Variants in CAPG observed in about 807,000 individuals in gnomAD.
CAPG encodes the protein capping actin protein, gelsolin like.
In CAPG, 32 loss-of-function variants were observed where a neutral mutation model predicts 44.6. The observed-to-expected ratio is 0.72, with a 90% confidence interval of 0.54 to 0.96. The LOEUF (loss-of-function observed/expected upper bound fraction) is 0.96, where lower values mean the gene tolerates loss of function less well. Ranked by LOEUF, CAPG falls within the 50% of genes least tolerant of loss-of-function variation. CAPG has a pLI of 0.00. For synonymous variants in CAPG, 175 were observed against 179.6 expected (o/e 0.97, Z 0.20); for missense variants, 412 against 438.3 (o/e 0.94, Z 0.54).
At position 85,398,705 on chromosome 2, in the gene CAPG, G is replaced by A. The variant is rs368711993; in HGVS notation, c.744C>T (p.Ala248=). Residue 248 remains alanine, a synonymous_variant, in exon 7 of 10, where the codon GCC becomes GCT. Coordinates refer to ENST00000263867, the MANE Select transcript of CAPG (RefSeq NM_001747.4). The part of the protein sequence containing the change: ...DLTADKANAQ[A]AALYKVSDAT... ...GGGGGCCCACCTTATACAGAGCTGCGGCCTGGGCATTTGCCTTGTCAGCTG... is the reference window on the plus strand; with the variant it reads ...GGGGGCCCACCTTATACAGAGCTGCAGCCTGGGCATTTGCCTTGTCAGCTG... 128 of 1,603,342 alleles carry A rather than the reference G, an allele frequency of 8.0e-5. No individual in the cohort carries two copies. The highest frequency in any genetic ancestry group is 1.7e-4 in the Middle Eastern group (1 of 5,926).
intron 6 of CAPG, 99 bp from the exon 7 acceptor site, chr2:85,398,881 G>A (rs1037655260): frequency 1.1e-5 from 11 of 982,678 alleles, no homozygotes; most frequent in African/African-American, 9.9e-5. Context: ...GGCAAACTGC[G>A]CCCTGCACTA....
chr2:85,398,398 A>T (rs1450248513), intron 7 of CAPG: 4 of 587,784 alleles, frequency 6.8e-6, no homozygotes, highest in Non-Finnish European at 1.2e-5. Context: ...GGTGGATTCC[A>T]AATTACAAAG....
intron 5 of CAPG, among the ~76,000 whole-genome samples, chr2:85,400,707 G>T (rs951939233): frequency 4.6e-5 from 7 of 151,808 alleles, no homozygotes; most frequent in African/African-American, 1.7e-4. Flanking sequence ...AGGCTAGAGG[G>T]CCCCTCCCTG....
rs766340785 is a variant in CAPG, at chr2:85,394,875, G to GC, written c.*17dup. 1.4e-5 allele frequency: 23 copies of GC among 1,598,332 alleles called. No homozygotes were observed. Among genetic ancestry groups the GC allele is most frequent in the Non-Finnish European group, 1.9e-5 (22 of 1,165,394 alleles). On this transcript the variant is annotated 3_prime_UTR_variant, in exon 10 of 10. Transcript: ENST00000263867. ...GTGGTGGGGGGCAGGGGAGCATGGG[G>GC]CAGGAAGACGCCCACCCTCATTTCC...
rs575474112 is a variant in CAPG at position 85,395,059 on chromosome 2, C to T, written c.982-101G>A. ...CCAGAGCCAGGGAGGAGGGTGTGGG[C>T]GCCTGGCCTGAATCCATGTGCAGTC... On this transcript the variant is annotated intron_variant, in intron 9 of 9. Coordinates refer to ENST00000263867, the MANE Select transcript of CAPG (RefSeq NM_001747.4). The surrounding 1 kb of genome is among the most constrained non-coding windows in gnomAD (Gnocchi z 4.3). 10 of 797,382 alleles carry T rather than the reference C, an allele frequency of 1.3e-5. 1 individual carries two copies. The highest frequency in any genetic ancestry group is 3.4e-5 in the African/African-American group (2 of 58,068). The allele number at this position is 797,382 out of a possible 1,614,324, so 49.4% of individuals were successfully genotyped here. A position where few individuals can be genotyped will look rare whatever the true frequency, so the allele number is the denominator to read the frequency against.
chr2:85,392,841 C>T (rs1190504249), downstream of CAPG, among the ~76,000 whole-genome samples: 1 of 152,150 alleles, frequency 6.6e-6, no homozygotes, highest in African/African-American at 2.4e-5. Context: ...TTTGGAGTAT[C>T]AGGTTGGGTG....
intron 1 of CAPG, among the ~76,000 whole-genome samples, chr2:85,407,488 G>A (rs1013442152): frequency 6.6e-6 from 1 of 152,016 alleles, no homozygotes; most frequent in African/African-American, 2.4e-5. Flanking sequence ...TGAGGTAGGT[G>A]GAATGCTTGA....
upstream of CAPG, among the ~76,000 whole-genome samples, chr2:85,412,018 C>G (rs1023488721): frequency 6.6e-6 from 1 of 151,378 alleles, no homozygotes; most frequent in African/African-American, 2.4e-5. Context: ...GCCGAGATGG[C>G]GCCACTGCAC....
upstream of CAPG, among the ~76,000 whole-genome samples, chr2:85,412,305 G>A (rs1687438719): frequency 6.6e-6 from 1 of 152,158 alleles, no homozygotes; most frequent in South Asian, 2.1e-4. Flanking sequence ...GAGGTCAGGA[G>A]TTCGAGACCA....
At chr2:85,418,985 T>C (rs939547524), upstream of CAPG, 1 of 152,494 alleles carries the variant, frequency 6.6e-6, no homozygotes, top group African/African-American at 2.4e-5. Flanking sequence ...CACAGCCTGC[T>C]AAGCAGGCAG....
intron 4 of CAPG, 47 bp from the exon 5 acceptor site, chr2:85,401,376 G>T: frequency 6.3e-7 from 1 of 1,598,092 alleles, no homozygotes; most frequent in South Asian, 1.1e-5. Context: ...GAGACCCAGA[G>T]CCCTCTGCAC....
In CAPG at chr2:85,402,133, T is replaced by C. The variant is rs113987685; in HGVS notation, c.13A>G (p.Ile5Val). The change falls in exon 2 of 10, where the codon ATT becomes GTT. Residue 5 changes from isoleucine to valine, a missense_variant. By Grantham distance (29) the Ile-to-Val change is conservative. Transcript: ENST00000263867. ...GGGCATGCAGCTTACCTCTGGGGAA[T>C]GGCTGTGTACATGCTGTCTTCAGAT... MYTA[I>V]PQSGSPFPGS... is the part of the protein sequence containing the mutation. 6,718 of 1,607,272 alleles carry C rather than the reference T, an allele frequency of 4.2e-3. 26 individuals carry two copies. Among genetic ancestry groups the C allele is most frequent in the Non-Finnish European group, 5.1e-3 (6,050 of 1,176,276 alleles).
intron 8 of CAPG, 62 bp downstream of exon 8, chr2:85,397,958 G>A: frequency 6.4e-7 from 1 of 1,551,844 alleles, no homozygotes; most frequent in Non-Finnish European, 8.8e-7. Flanking sequence ...TCCTGCAAAG[G>A]GAAGCCTGCC....
chr2:85,405,048 C>A (rs1170836086), intron 1 of CAPG, among the ~76,000 whole-genome samples: 10 of 151,846 alleles, frequency 6.6e-5, no homozygotes, highest in African/African-American at 2.4e-4. Flanking sequence ...AAACCCTTCA[C>A]CTAACATTAT....
intron 6 of CAPG, 65 bp downstream of exon 6, chr2:85,399,071 A>C: frequency 4.0e-6 from 6 of 1,505,732 alleles, no homozygotes; most frequent in Non-Finnish European, 5.5e-6. Context: ...CCCTCAGCTC[A>C]TCACCACCTC....
chr2:85,414,873 C>T (rs1452534379), upstream of CAPG, among the ~76,000 whole-genome samples: 2 of 152,242 alleles, frequency 1.3e-5, no homozygotes, highest in Non-Finnish European at 2.9e-5. Context: ...GATGGGTCCA[C>T]ACTTCCGCCT....
intron 1 of CAPG, among the ~76,000 whole-genome samples, chr2:85,403,367 C>T (rs927188488): frequency 2.6e-5 from 4 of 152,214 alleles, no homozygotes; most frequent in Non-Finnish European, 5.9e-5. Context: ...AAAACTCGTT[C>T]CCCCGCCAAA....
chr2:85,403,763 T>A (rs1687015907), intron 1 of CAPG, among the ~76,000 whole-genome samples: 1 of 151,814 alleles, frequency 6.6e-6, no homozygotes, highest in African/African-American at 2.4e-5. Flanking sequence ...GGCACGTGCC[T>A]ATAGTCCCAG....
chr2:85,400,434 C>T (rs1686825334), intron 5 of CAPG, among the ~76,000 whole-genome samples: 3 of 152,172 alleles, frequency 2.0e-5, no homozygotes, highest in African/African-American at 4.8e-5. Flanking sequence ...AAATCTTCAG[C>T]GCCACAAGAC....
Sources: allele counts gnomAD v4.1 joint callset (sites outside exome capture counted in the v4.1 genomes callset), GRCh38; gene constraint gnomAD v4.1.1; non-coding constraint Gnocchi (gnomAD v3.1); transcripts MANE v1.5; gene names NCBI Gene and HGNC (gene_info 2026-07-23, HGNC 2026-07-21).